The following MTREX variants were observed in gnomAD, a reference collection of about 807,000 sequenced individuals.
MTREX encodes the protein exosome RNA helicase MTR4.
A neutral mutation model predicts 135.4 loss-of-function variants in MTREX; 76 were observed. The ratio of observed to expected loss-of-function variants is 0.56; its 90% CI spans 0.47 to 0.68. MTREX has a LOEUF of 0.68. Ranked by LOEUF, MTREX falls within the 30% of genes least tolerant of loss-of-function variation. The pLI is 0.00. For missense variants in MTREX, 920 were observed against 1,262.1 expected, an observed-to-expected ratio of 0.73 and a Z score of 4.11; for synonymous variants, 404 against 401.6, an observed-to-expected ratio of 1.01 and a Z score of -0.07.
At position 55,308,200 on chromosome 5, in the gene MTREX, A is replaced by C. The variant is rs1004548872; in HGVS notation, c.134+53A>C. On this transcript the variant is annotated intron_variant, in intron 1 of 26. Transcript: ENST00000230640. Reference sequence around the variant, plus strand: ...TTATTTTTTTTCTCGGTGGGGAGGAAGAAAACACTACTCTCTTAGGAAGAG... The same window carrying C: ...TTATTTTTTTTCTCGGTGGGGAGGACGAAAACACTACTCTCTTAGGAAGAG... 1.0e-5 allele frequency: 16 copies of C among 1,530,550 alleles called. 1 individual carries two copies. The Middle Eastern group carries it at 2.3e-3, about 221-fold the overall frequency. 94.8% of individuals were successfully genotyped at this position (1,530,550 alleles called of 1,614,324 possible).
intron 1 of MTREX, among the ~76,000 whole-genome samples, chr5:55,316,315 T>C (rs1749197384): frequency 6.6e-6 from 1 of 152,114 alleles, no homozygotes; most frequent in African/African-American, 2.4e-5. Context: ...ATATCAAAAA[T>C]GGGCAGAGAC....
Position 55,344,596 on chromosome 5 carries a change from C to G in MTREX, c.981C>G (p.Gly327=). The part of the protein sequence containing the change: ...QHYIFPAGGD[G]LHLVVDENGD... ...ACATTTTTCCAGCAGGGGGAGATGG[C>G]CTGCATCTTGTGGTTGATGAAAATG... Residue 327 remains glycine, a synonymous_variant, in exon 9 of 27, where the codon GGC becomes GGG. Coordinates refer to ENST00000230640, the MANE Select transcript of MTREX (RefSeq NM_015360.5). 1.9e-6 allele frequency: 3 copies of G among 1,606,808 alleles called. No homozygotes were observed. The highest frequency in any genetic ancestry group is 2.6e-6 in the Non-Finnish European group (3 of 1,174,130).
chr5:55,359,235 GGAT>G (rs1749970340), intron 15 of MTREX, among the ~76,000 whole-genome samples: 1 of 152,136 alleles, frequency 6.6e-6, no homozygotes, highest in Admixed American at 6.5e-5. Context: ...TTTGTGCTTC[GGAT>G]GGTCTAGGAT....
At chr5:55,409,649 A>G (rs544080806) in intron 22 of MTREX, among the ~76,000 whole-genome samples, 1 of 152,358 alleles carries the variant, frequency 6.6e-6, no homozygotes, top group African/African-American at 2.4e-5. Flanking sequence ...TTGATGATGC[A>G]AAAGAGGAAT....
At chr5:55,317,537 C>T (rs1045119228) in intron 1 of MTREX, among the ~76,000 whole-genome samples, 1 of 152,134 alleles carries the variant, frequency 6.6e-6, no homozygotes, top group African/African-American at 2.4e-5. Flanking sequence ...GGAAAAGACT[C>T]GCTATTCAAT....
At chr5:55,364,350 A>C (rs796592769) in intron 15 of MTREX, among the ~76,000 whole-genome samples, 2 of 152,184 alleles carry the variant, frequency 1.3e-5, no homozygotes, top group African/African-American at 4.8e-5. Context: ...AGAGTTTACA[A>C]CATGTCCAGT....
chr5:55,409,109 G>A (rs1043030897), intron 22 of MTREX, among the ~76,000 whole-genome samples: 10 of 151,890 alleles, frequency 6.6e-5, no homozygotes, highest in African/African-American at 2.4e-4. Flanking sequence ...GTGCCACCAC[G>A]CTCAGCTTAT....
Position 55,340,076 on chromosome 5 carries a change from G to A in MTREX, c.582G>A (p.Leu194=). The A allele has an allele frequency of 3.7e-6, 6 of 1,602,366 alleles. No homozygotes were observed. Among genetic ancestry groups the A allele is most frequent in the Non-Finnish European group, 5.1e-6 (6 of 1,174,510 alleles). Reference sequence around the variant, plus strand: ...TATTTACCAGCCCAATTAAGGCTCTGAGTAACCAAAAATACCGTGAAATGT... The same window carrying A: ...TATTTACCAGCCCAATTAAGGCTCTAAGTAACCAAAAATACCGTGAAATGT... The part of the protein sequence containing the change: ...RVIFTSPIKA[L]SNQKYREMYE... The change falls in exon 6 of 27, where the codon CTG becomes CTA. Residue 194 remains leucine (L), a synonymous_variant. Transcript: ENST00000230640.
intron 5 of MTREX, among the ~76,000 whole-genome samples, chr5:55,339,723 A>G (rs1360095429): frequency 1.3e-5 from 2 of 152,248 alleles, no homozygotes; most frequent in Non-Finnish European, 2.9e-5. Flanking sequence ...AGCCCGTCTT[A>G]GAACCAAAGG....
intron 3 of MTREX, among the ~76,000 whole-genome samples, chr5:55,326,622 C>A (rs770638613): frequency 6.6e-6 from 1 of 152,040 alleles, no homozygotes; most frequent in Non-Finnish European, 1.5e-5. Flanking sequence ...GTCACATTCC[C>A]CTTCCAGACT....
intron 1 of MTREX, among the ~76,000 whole-genome samples, chr5:55,312,490 C>T (rs1749130567): frequency 6.6e-6 from 1 of 151,924 alleles, no homozygotes; most frequent in Non-Finnish European, 1.5e-5. Flanking sequence ...TTCCATCACC[C>T]TCAGGAGTTT....
chr5:55,405,619 ATT>A, intron 22 of MTREX, 31 bp downstream of exon 22: 3 of 1,435,926 alleles, frequency 2.1e-6, no homozygotes, highest in Non-Finnish European at 2.8e-6. Flanking sequence ...TAGAAAGTTC[ATT>A]TTTTTTTTCA....
intron 19 of MTREX, among the ~76,000 whole-genome samples, chr5:55,393,726 A>C (rs1750604614): frequency 6.6e-6 from 1 of 152,236 alleles, no homozygotes; most frequent in Admixed American, 6.5e-5. Flanking sequence ...GTGCTGCATC[A>C]TGTTGAACCT....
At chr5:55,421,410 T>C (rs371645594) in intron 25 of MTREX, among the ~76,000 whole-genome samples, 4 of 152,242 alleles carry the variant, frequency 2.6e-5, no homozygotes, top group African/African-American at 9.6e-5. Flanking sequence ...ATATGCAACC[T>C]TGTGCCTACT....
intron 21 of MTREX, among the ~76,000 whole-genome samples, chr5:55,401,721 A>G (rs752201598): frequency 1.1e-4 from 16 of 152,338 alleles, no homozygotes; most frequent in Admixed American, 2.6e-4. Context: ...GCTTTTTAGC[A>G]TAATTAGCTG....
intron 1 of MTREX, among the ~76,000 whole-genome samples, chr5:55,312,012 C>A (rs1379255842): frequency 6.6e-6 from 1 of 152,086 alleles, no homozygotes; most frequent in African/African-American, 2.4e-5. Context: ...TCTGAATATT[C>A]TACTGTTCTA....
chr5:55,345,980 T>C (rs530855924), intron 10 of MTREX, among the ~76,000 whole-genome samples: 102 of 152,316 alleles, frequency 6.7e-4, no homozygotes, highest in Non-Finnish European at 1.2e-3. Flanking sequence ...TTGTTCATTT[T>C]ATGCTATATG....
intron 23 of MTREX, among the ~76,000 whole-genome samples, chr5:55,411,919 T>C (rs77385597): frequency 1.3e-5 from 2 of 152,202 alleles, no homozygotes; most frequent in African/African-American, 4.8e-5. Context: ...TGTCAAATTT[T>C]GTCTTACTTT....
At chr5:55,370,770 A>G (rs886835913) in intron 16 of MTREX, among the ~76,000 whole-genome samples, 1 of 152,088 alleles carries the variant, frequency 6.6e-6, no homozygotes, top group African/African-American at 2.4e-5. Flanking sequence ...GTTCATTCCT[A>G]TTTTCAGTCA....
Sources: allele counts gnomAD v4.1 joint callset (sites outside exome capture counted in the v4.1 genomes callset), GRCh38; gene constraint gnomAD v4.1.1; transcripts MANE v1.5; gene names NCBI Gene and HGNC (gene_info 2026-07-23, HGNC 2026-07-21).